The following MAPKAP1 variants were observed in gnomAD, a reference collection of about 807,000 sequenced individuals.
The protein encoded by MAPKAP1 is target of rapamycin complex 2 subunit MAPKAP1.
MAPKAP1 carries 20 observed loss-of-function variants against 65.7 expected under a neutral mutation model. The ratio of observed to expected loss-of-function variants is 0.30; its 90% CI spans 0.21 to 0.44. MAPKAP1 has a LOEUF of 0.44. MAPKAP1 is among the 20% of genes least tolerant of loss of function. MAPKAP1 has a pLI of 1.00. For synonymous variants in MAPKAP1, 222 were observed against 244.3 expected, an observed-to-expected ratio of 0.91 and a Z score of 0.85; for missense variants, 423 against 648.0, an observed-to-expected ratio of 0.65 and a Z score of 3.77.
At chr9:125,690,653 G>A (rs1835138181) in intron 1 of MAPKAP1, among the ~76,000 whole-genome samples, 1 of 152,128 alleles carries the variant, frequency 6.6e-6, no homozygotes, top group Non-Finnish European at 1.5e-5. Context: ...TATTATTATT[G>A]CTATTATTCC....
chr9:125,691,998 A>G lies in MAPKAP1; in HGVS notation c.-70+14973T>C, dbSNP rs79956087. ...GAGCCTAGGGCTGCTTCCAGCCCAGAGCAGAGAAATACAGAACCTGAGGAG... is the reference window on the plus strand; with the variant it reads ...GAGCCTAGGGCTGCTTCCAGCCCAGGGCAGAGAAATACAGAACCTGAGGAG... On this transcript the variant is annotated intron_variant, in intron 1 of 11. Transcript: ENST00000265960. Among the ~76,000 whole-genome samples the G allele has an allele frequency of 4.1e-3, 623 of 152,336 alleles. 7 individuals are homozygous for G. The highest frequency in any genetic ancestry group is 0.014 in the African/African-American group (596 of 41,580).
chr9:125,626,167 G>A (rs1444846555), intron 4 of MAPKAP1, among the ~76,000 whole-genome samples: 1 of 152,226 alleles, frequency 6.6e-6, no homozygotes, highest in East Asian at 1.9e-4. Flanking sequence ...CCAGGCTTCT[G>A]AGCTTTAGTC....
Position 125,495,014 on chromosome 9 carries a change from G to A in MAPKAP1, c.1067-10431C>T, listed in dbSNP as rs554651634. Reference sequence around the variant, plus strand: ...TACAGGATGAAGCATGACCACTTAAGGGTCTGGACCAATGGTTCATTATGG... The same window carrying A: ...TACAGGATGAAGCATGACCACTTAAAGGTCTGGACCAATGGTTCATTATGG... On this transcript the variant is annotated intron_variant, in intron 8 of 11. Coordinates refer to ENST00000265960, the MANE Select transcript of MAPKAP1 (RefSeq NM_001006617.3). Among the ~76,000 whole-genome samples, 3 of 152,314 alleles carry A rather than the reference G, an allele frequency of 2.0e-5. No individual in the cohort carries two copies. In the South Asian group the frequency reaches 6.2e-4, roughly 32 times the overall value.
chr9:125,605,962 A>G (rs1832428143), intron 4 of MAPKAP1, among the ~76,000 whole-genome samples: 1 of 152,222 alleles, frequency 6.6e-6, no homozygotes, highest in Non-Finnish European at 1.5e-5. Context: ...AAATCCTATT[A>G]TTTAAAATAC....
At chr9:125,647,487 G>A (rs925045047) in intron 4 of MAPKAP1, among the ~76,000 whole-genome samples, 4 of 152,206 alleles carry the variant, frequency 2.6e-5, no homozygotes, top group Non-Finnish European at 4.4e-5. Flanking sequence ...GCTCAGATCC[G>A]AGCCGTAGAC....
At chr9:125,557,913 A>G (rs1450873303) in intron 6 of MAPKAP1, among the ~76,000 whole-genome samples, 1 of 152,154 alleles carries the variant, frequency 6.6e-6, no homozygotes, top group South Asian at 2.1e-4. Flanking sequence ...CTGGAGTGCA[A>G]TGGCGCGATC....
At position 125,440,091 on chromosome 9, in the gene MAPKAP1, C is replaced by G. The variant is rs148605591; in HGVS notation, c.1444-1079G>C. On this transcript the variant is annotated intron_variant, in intron 11 of 11. Coordinates refer to ENST00000265960, the MANE Select transcript of MAPKAP1 (RefSeq NM_001006617.3). The stretch of plus-strand genomic sequence containing the variant: ...GCTTAGTGAAATGAGGTGGTGGGAG[C>G]CAGGGAGGGGTGCTACAGTGGGATG... Among the ~76,000 whole-genome samples, 126 of 152,248 alleles carry G rather than the reference C, an allele frequency of 8.3e-4. 2 individuals carry two copies. The highest frequency in any genetic ancestry group is 2.4e-3 in the African/African-American group (100 of 41,564).
chr9:125,454,956 T>C (rs1001960061), intron 10 of MAPKAP1, among the ~76,000 whole-genome samples: 1 of 151,844 alleles, frequency 6.6e-6, no homozygotes, highest in Non-Finnish European at 1.5e-5. Context: ...GAGGCCAAGA[T>C]GAGAGAACTG....
intron 10 of MAPKAP1, among the ~76,000 whole-genome samples, chr9:125,456,903 T>C (rs1853183473): frequency 6.6e-6 from 1 of 152,172 alleles, no homozygotes; most frequent in Non-Finnish European, 1.5e-5. Context: ...TAAGCCACTA[T>C]GTTTTGGGGC....
intron 7 of MAPKAP1, chr9:125,521,734 C>A: frequency 1.9e-6 from 3 of 1,612,426 alleles, no homozygotes; most frequent in Non-Finnish European, 1.7e-6. Flanking sequence ...GCCTTGACAG[C>A]CAGTGAAATT....
At chr9:125,541,693 A>G (rs1056110525) in intron 7 of MAPKAP1, among the ~76,000 whole-genome samples, 1 of 152,186 alleles carries the variant, frequency 6.6e-6, no homozygotes, top group African/African-American at 2.4e-5. Flanking sequence ...AAGTCACCCA[A>G]AAAATGAACA....
At chr9:125,647,617 T>C (rs919461329) in intron 4 of MAPKAP1, among the ~76,000 whole-genome samples, 2 of 152,234 alleles carry the variant, frequency 1.3e-5, no homozygotes, top group Admixed American at 6.5e-5. Flanking sequence ...GTCACAGTCC[T>C]CAGCACTGGG....
intron 6 of MAPKAP1, among the ~76,000 whole-genome samples, chr9:125,554,072 G>T (rs529305781): frequency 6.6e-6 from 1 of 152,120 alleles, no homozygotes; most frequent in East Asian, 1.9e-4. Context: ...ATAACGTGGC[G>T]AGATTTGGGG....
At chr9:125,475,644 TCAGACC>T (rs1854077195) in intron 9 of MAPKAP1, among the ~76,000 whole-genome samples, 1 of 152,112 alleles carries the variant, frequency 6.6e-6, no homozygotes, top group African/African-American at 2.4e-5. Flanking sequence ...GCTTATGAAA[TCAGACC>T]TGGGACTGTT....
intron 7 of MAPKAP1, chr9:125,513,208 GGTTT>G (rs1160734452): frequency 6.6e-6 from 1 of 152,142 alleles, no homozygotes; most frequent in African/African-American, 2.4e-5. Context: ...TGCACTCAGT[GGTTT>G]GTGTATTTTA....
chr9:125,456,453 T>C (rs1853165595), intron 10 of MAPKAP1, among the ~76,000 whole-genome samples: 1 of 152,260 alleles, frequency 6.6e-6, no homozygotes, highest in Non-Finnish European at 1.5e-5. Context: ...TGGCAGATTC[T>C]GAAATGGCTC....
intron 8 of MAPKAP1, among the ~76,000 whole-genome samples, chr9:125,496,893 G>C (rs1854968573): frequency 6.6e-6 from 1 of 152,096 alleles, no homozygotes; most frequent in Non-Finnish European, 1.5e-5. Context: ...CTATCAGGGG[G>C]AAAGAGCCAG....
At chr9:125,589,817 C>CA (rs1831899725) in intron 4 of MAPKAP1, among the ~76,000 whole-genome samples, 2 of 152,278 alleles carry the variant, frequency 1.3e-5, no homozygotes, top group South Asian at 4.1e-4. Context: ...CATGCACCCA[C>CA]ACTCGCTGTC....
intron 1 of MAPKAP1, among the ~76,000 whole-genome samples, chr9:125,694,614 A>G (rs1188048773): frequency 6.6e-6 from 1 of 152,206 alleles, no homozygotes; most frequent in Non-Finnish European, 1.5e-5. Flanking sequence ...CCCTCTCCCA[A>G]AAGAATGTTA....
Sources: allele counts gnomAD v4.1 joint callset (sites outside exome capture counted in the v4.1 genomes callset), GRCh38; gene constraint gnomAD v4.1.1; transcripts MANE v1.5; gene names NCBI Gene and HGNC (gene_info 2026-07-23, HGNC 2026-07-21).